The following ACACA variants were observed in gnomAD, a reference collection of about 807,000 sequenced individuals.
ACACA encodes acetyl-CoA carboxylase alpha.
Under a neutral mutation model 296.1 loss-of-function variants are expected in ACACA, and 103 were observed. The observed-to-expected ratio is 0.35, with a 90% CI of 0.30 to 0.41. The LOEUF (loss-of-function observed/expected upper bound fraction) is 0.41. Among genes scored for constraint, ACACA ranks in the 10% least tolerant of loss-of-function variants. The probability of loss-of-function intolerance (pLI) is 1.00; values close to 1 mark genes in which losing one functional copy is unlikely to be tolerated. For missense variants in ACACA, 1,554 were observed against 2,989.7 expected, an observed-to-expected ratio of 0.52 and a Z score of 11.20; for synonymous variants, 953 against 1,038.6, an observed-to-expected ratio of 0.92 and a Z score of 1.58.
intron 1 of ACACA, among the ~76,000 whole-genome samples, chr17:37,355,209 C>G (rs1314919563): frequency 6.6e-6 from 1 of 151,044 alleles, no homozygotes; most frequent in African/African-American, 2.4e-5. Flanking sequence ...CACCACTGCA[C>G]TCCAGCCTGG....
chr17:37,227,442 T>C (rs1012300051), intron 25 of ACACA, among the ~76,000 whole-genome samples: 5 of 152,228 alleles, frequency 3.3e-5, no homozygotes, highest in African/African-American at 1.2e-4. Context: ...CTGGGCAGGG[T>C]GGCTCACACC....
At chr17:37,302,942 G>A (rs989992727) in intron 3 of ACACA, among the ~76,000 whole-genome samples, 1 of 152,004 alleles carries the variant, frequency 6.6e-6, no homozygotes, top group Admixed American at 6.6e-5. Flanking sequence ...ATAAATTTAA[G>A]GACATTTTCA....
Position 37,089,848 on chromosome 17 carries a change from TCTC to T in ACACA, c.6892-777_6892-775del, listed in dbSNP as rs530117021. Among the ~76,000 whole-genome samples the T allele has an allele frequency of 4.2e-4, 64 of 152,322 alleles. 1 individual carries two copies. The highest frequency in any genetic ancestry group is 3.1e-3 in the East Asian group (16 of 5,192). ...CCTAATAGCCTTCTCCTTGCTCTCT[TCTC>T]CTCTCATTTTCTTTACAAATCATTT... On this transcript the variant is annotated intron_variant, in intron 54 of 55. Coordinates refer to ENST00000616317, the MANE Select transcript of ACACA (RefSeq NM_198834.3).
chr17:37,296,645 G>A, intron 3 of ACACA, among the ~76,000 whole-genome samples: 1 of 151,468 alleles, frequency 6.6e-6, no homozygotes, highest in East Asian at 2.0e-4. Context: ...ATTCATGAGG[G>A]CTCTGCCCCA....
In ACACA at chr17:37,119,603, C is replaced by T. The variant is rs554504782; in HGVS notation, c.6274+1752G>A. ...CTTTTCAACCAAACACACACACACA[C>T]ACACACACACACACACACACACACA... On this transcript the variant is annotated intron_variant, in intron 50 of 55. Transcript: ENST00000616317. Among the ~76,000 whole-genome samples, 40 of 124,224 alleles carry T rather than the reference C, an allele frequency of 3.2e-4. 2 individuals are homozygous for T. In the South Asian group the frequency reaches 0.011, roughly 34 times the overall value. 81.5% of individuals were successfully genotyped at this position (124,224 alleles called of 152,430 possible).
intron 3 of ACACA, among the ~76,000 whole-genome samples, chr17:37,291,489 T>C (rs1174218138): frequency 6.6e-6 from 1 of 152,190 alleles, no homozygotes; most frequent in Non-Finnish European, 1.5e-5. Context: ...AATCTCATAA[T>C]ATTTTAAGCA....
intron 3 of ACACA, among the ~76,000 whole-genome samples, chr17:37,327,287 T>G (rs965023479): frequency 3.3e-5 from 5 of 152,214 alleles, no homozygotes; most frequent in Non-Finnish European, 7.4e-5. Context: ...ACAGAGGTCT[T>G]TCACCTATCA....
chr17:37,161,520 C>T (rs2076460966), intron 42 of ACACA: 2 of 548,874 alleles, frequency 3.6e-6, no homozygotes, highest in Non-Finnish European at 6.4e-6. Context: ...GCACTAAATG[C>T]ATACCTACTA....
At position 37,325,854 on chromosome 17, in the gene ACACA, G is replaced by A. The variant is rs534668728; in HGVS notation, c.338+4319C>T. On this transcript the variant is annotated intron_variant, in intron 3 of 55. Transcript: ENST00000616317. ...TTCCTAAAGTGCTGGGATTGCAGGC[G>A]TGAGCCACCACGCCCAGCCAGGGTC... is the stretch of plus-strand genomic sequence containing the variant. Among the ~76,000 whole-genome samples, 30 of 151,958 alleles carry A rather than the reference G, an allele frequency of 2.0e-4. No individual in the cohort carries two copies. The South Asian group carries it at 5.4e-3, about 27-fold the overall frequency.
chr17:37,346,415 A>G (rs950797555), intron 1 of ACACA, among the ~76,000 whole-genome samples: 4 of 151,734 alleles, frequency 2.6e-5, no homozygotes, highest in African/African-American at 7.3e-5. Flanking sequence ...AAAAATATCT[A>G]TTGAGACCAG....
intron 41 of ACACA, among the ~76,000 whole-genome samples, chr17:37,164,501 A>G (rs1212994486): frequency 1.3e-5 from 2 of 152,218 alleles, no homozygotes; most frequent in East Asian, 3.8e-4. Flanking sequence ...TATGATACAC[A>G]GAAAAAAATC....
At chr17:37,316,291 C>G (rs1470386214) in intron 3 of ACACA, among the ~76,000 whole-genome samples, 11 of 123,782 alleles carry the variant, frequency 8.9e-5, no homozygotes, top group Non-Finnish European at 1.6e-4. Context: ...CCTACCAGCT[C>G]TACCCTTACA....
Position 37,224,990 on chromosome 17 carries a change from AC to A in ACACA, c.3474+1del. 4.4e-6 allele frequency: 6 copies of A among 1,362,110 alleles called. No individual in the cohort carries two copies. Among genetic ancestry groups the A allele is most frequent in the African/African-American group, 1.4e-5 (1 of 69,522 alleles). 84.4% of individuals were successfully genotyped at this position (1,362,110 alleles called of 1,614,324 possible). On this transcript the variant is annotated splice_donor_variant, in intron 27 of 55. Coordinates refer to ENST00000616317, the MANE Select transcript of ACACA (RefSeq NM_198834.3). LOFTEE classifies it high-confidence loss of function. ...GTTATATATATATATATATATATATACCTGCAGGTTCTCAATGCAAAATTGA... is the reference window on the plus strand; with the variant it reads ...GTTATATATATATATATATATATATACTGCAGGTTCTCAATGCAAAATTGA...
intron 19 of ACACA, 58 bp downstream of exon 19, chr17:37,246,768 G>T: frequency 6.2e-7 from 1 of 1,600,016 alleles, no homozygotes. Context: ...GTCCATCCCA[G>T]CCGACCCTTT....
At chr17:37,268,504 T>A (rs1166694946) in intron 10 of ACACA, among the ~76,000 whole-genome samples, 2 of 151,996 alleles carry the variant, frequency 1.3e-5, no homozygotes, top group Admixed American at 6.5e-5. Context: ...AGGGCACCCC[T>A]CCCCAGGAAG....
intron 1 of ACACA, chr17:37,387,144 G>A (rs1376477656): frequency 6.6e-6 from 1 of 151,814 alleles, no homozygotes; most frequent in Non-Finnish European, 1.5e-5. Flanking sequence ...TTTTGATATG[G>A]AGTCTCACTC....
At chr17:37,093,994 T>C (rs2072814477) in intron 54 of ACACA, among the ~76,000 whole-genome samples, 1 of 152,184 alleles carries the variant, frequency 6.6e-6, no homozygotes, top group African/African-American at 2.4e-5. Context: ...AATTTCAATT[T>C]CTACTATTGG....
intron 10 of ACACA, among the ~76,000 whole-genome samples, chr17:37,269,324 T>A (rs2081964702): frequency 6.6e-6 from 1 of 152,154 alleles, no homozygotes; most frequent in Non-Finnish European, 1.5e-5. Context: ...CTCTTTGACT[T>A]ACAATAAGGT....
chr17:37,287,167 T>C (rs1013104173), intron 3 of ACACA, among the ~76,000 whole-genome samples: 2 of 152,136 alleles, frequency 1.3e-5, no homozygotes, highest in African/African-American at 4.8e-5. Context: ...ATTCCCACCT[T>C]TTCTTCCTTT....
Sources: gnomAD v4.1 joint callset for allele counts (sites outside exome capture counted in the v4.1 genomes callset) on GRCh38, gnomAD v4.1.1 for gene constraint, MANE v1.5 for transcripts, NCBI Gene and HGNC (gene_info 2026-07-23, HGNC 2026-07-21) for gene names.